LGALS8: variants seen among roughly 807,000 people sequenced by gnomAD.
LGALS8 encodes the protein galectin 8.
A neutral mutation model predicts 35.9 loss-of-function variants in LGALS8; 30 were observed. That is an observed-to-expected ratio of 0.83 (90% CI 0.62 to 1.13). The LOEUF (loss-of-function observed/expected upper bound fraction) is 1.13, where lower values mean the gene tolerates loss of function less well. Among genes scored for constraint, LGALS8 ranks in the 50% most tolerant of loss-of-function variants. The pLI is 0.00. For missense variants in LGALS8, 366 were observed against 388.7 expected, an observed-to-expected ratio of 0.94 and a Z score of 0.49; for synonymous variants, 138 against 136.1, an observed-to-expected ratio of 1.01 and a Z score of -0.10.
chr1:236,523,695 C>G (rs16833769), upstream of LGALS8: 18,210 of 168,200 alleles, frequency 0.11, 2,405 homozygotes, highest in African/African-American at 0.32. Context: ...CTCCGCCTTC[C>G]GGGCAAAGGC....
intron 4 of LGALS8, among the ~76,000 whole-genome samples, chr1:236,539,692 G>C (rs1355643668): frequency 6.6e-6 from 1 of 152,192 alleles, no homozygotes; most frequent in Non-Finnish European, 1.5e-5. Flanking sequence ...CGCGAGAGAA[G>C]ACTCGAATGC....
At position 236,548,905 on chromosome 1, in the gene LGALS8, A is replaced by G; in HGVS notation, c.*744A>G. ...AATACATGGTGCTGAAATTAACTTG[A>G]TGCCAAGCCCAAGGCAGCTGATTTC... On this transcript the variant is annotated 3_prime_UTR_variant, in exon 10 of 10. Transcript: ENST00000366584. 1 of 398,622 alleles carries G rather than the reference A, an allele frequency of 2.5e-6. No homozygotes were observed. The highest frequency in any genetic ancestry group is 4.4e-6 in the Non-Finnish European group (1 of 226,046). The allele number at this position is 398,622 out of a possible 1,614,324, so 24.7% of individuals were successfully genotyped here.
rs560714725 is a variant in LGALS8, at chr1:236,538,700, A to G, written c.135-179A>G. Among the ~76,000 whole-genome samples, 55 of 152,336 alleles carry G rather than the reference A, an allele frequency of 3.6e-4. No homozygotes were observed. The South Asian group carries it at 9.9e-3, about 28-fold the overall frequency. On this transcript the variant is annotated intron_variant, in intron 3 of 9. Coordinates refer to ENST00000366584, the MANE Select transcript of LGALS8 (RefSeq NM_201544.4). Reference sequence around the variant, plus strand: ...CAGACCCAGTTCAAACTCAGGGGCTATTTTACTGAGGAAGACAGAAAAGAT... The same window carrying G: ...CAGACCCAGTTCAAACTCAGGGGCTGTTTTACTGAGGAAGACAGAAAAGAT...
Position 236,552,192 on chromosome 1 carries a change from C to T in LGALS8, c.*4031C>T. 1 of 866,918 alleles carries T rather than the reference C, an allele frequency of 1.2e-6. No homozygotes were observed. The highest frequency in any genetic ancestry group is 1.8e-6 in the Non-Finnish European group (1 of 544,306). 53.7% of individuals were successfully genotyped at this position (866,918 alleles called of 1,614,324 possible). ...GAGCTGTACTGACTTGAGACAAGCTCTAACTTTTTAAACATTAGTTCACAT... is the reference window on the plus strand; with the variant it reads ...GAGCTGTACTGACTTGAGACAAGCTTTAACTTTTTAAACATTAGTTCACAT... On this transcript the variant is annotated 3_prime_UTR_variant, in exon 10 of 10. Transcript: ENST00000366584.
chr1:236,548,278 A>T lies in LGALS8; in HGVS notation c.*117A>T. 1.0e-6 allele frequency: 1 copy of T among 972,662 alleles called. No individual in the cohort carries two copies. The allele number at this position is 972,662 out of a possible 1,614,324, so 60.3% of individuals were successfully genotyped here. ...TTATATTGTTAAAATGAGCTTGTGC[A>T]CCATTAGGTCCTGCTGGGTGTTCTC... On this transcript the variant is annotated 3_prime_UTR_variant, in exon 10 of 10. Transcript: ENST00000366584.
intron 2 of LGALS8, among the ~76,000 whole-genome samples, chr1:236,530,368 C>T (rs2794789): frequency 0.58 from 87,997 of 152,096 alleles, 27,128 homozygotes; most frequent in Non-Finnish European, 0.69. Context: ...TTTTTCTTCT[C>T]TTTTTGCTGC....
At chr1:236,527,633 G>A (rs1422354464) in intron 2 of LGALS8, among the ~76,000 whole-genome samples, 1 of 151,872 alleles carries the variant, frequency 6.6e-6, no homozygotes, top group African/African-American at 2.4e-5. Context: ...ATAGTATAAA[G>A]GGCCTGTATT....
At chr1:236,533,342 T>TTG (rs1156513761) in intron 2 of LGALS8, among the ~76,000 whole-genome samples, 5 of 151,844 alleles carry the variant, frequency 3.3e-5, no homozygotes, top group Non-Finnish European at 7.4e-5. Context: ...CCCCACCCTT[T>TTG]TTTTTTTCTT....
At chr1:236,535,058 C>T (rs1225492584) in intron 2 of LGALS8, among the ~76,000 whole-genome samples, 2 of 63,924 alleles carry the variant, frequency 3.1e-5, no homozygotes, top group Non-Finnish European at 5.4e-5. Flanking sequence ...GAGACTCTGT[C>T]TCAAAAAAAA....
chr1:236,543,463 AT>A, intron 7 of LGALS8, 96 bp from the exon 8 acceptor site: 1 of 925,886 alleles, frequency 1.1e-6, no homozygotes, highest in Non-Finnish European at 1.8e-6. Context: ...TTACAGGGTC[AT>A]GGCTCTGAAA....
chr1:236,539,263 C>T (rs1661795092), intron 4 of LGALS8, 174 bp downstream of exon 4: 7 of 585,588 alleles, frequency 1.2e-5, no homozygotes, highest in African/African-American at 2.0e-5. Context: ...TGAGGTATGG[C>T]ACCACTACTC....
At chr1:236,527,669 T>C (rs144420345) in intron 2 of LGALS8, among the ~76,000 whole-genome samples, 1 of 139,970 alleles carries the variant, frequency 7.1e-6, no homozygotes, top group East Asian at 2.0e-4. Flanking sequence ...CATTTGTAGC[T>C]AGTTGCCCTT....
At chr1:236,537,717 C>T in intron 3 of LGALS8, 132 bp downstream of exon 3, 1 of 716,468 alleles carries the variant, frequency 1.4e-6, no homozygotes, top group East Asian at 2.7e-5. Flanking sequence ...CAGCCCTGGC[C>T]AAGGTGCTGA....
Position 236,552,075 on chromosome 1 carries a change from T to C in LGALS8, c.*3914T>C, listed in dbSNP as rs1191499826. 3.7e-6 allele frequency: 6 copies of C among 1,613,346 alleles called. No individual in the cohort carries two copies. Among genetic ancestry groups the C allele is most frequent in the Admixed American group, 3.3e-5 (2 of 59,986 alleles). Reference sequence around the variant, plus strand: ...AATTCTCCTTTAGTTTTTCAGCCAGTGCTAACACAGTAATCAAAGCAGCAA... The same window carrying C: ...AATTCTCCTTTAGTTTTTCAGCCAGCGCTAACACAGTAATCAAAGCAGCAA... On this transcript the variant is annotated 3_prime_UTR_variant, in exon 10 of 10. Transcript: ENST00000366584.
At chr1:236,540,440 T>A (rs2103096057) in intron 4 of LGALS8, 124 bp from the exon 5 acceptor site, 2 of 1,139,858 alleles carry the variant, frequency 1.8e-6, no homozygotes, top group African/African-American at 1.6e-5. Flanking sequence ...GTCATGTGTG[T>A]GGAGACCTGT....
chr1:236,540,660 T>C lies in LGALS8; in HGVS notation c.442T>C (p.Ser148Pro). The C allele has an allele frequency of 1.9e-6, 3 of 1,610,994 alleles. No individual in the cohort carries two copies. The highest frequency in any genetic ancestry group is 2.5e-6 in the Non-Finnish European group (3 of 1,178,742). ...CATTTATGGCAAAGTGAATATTCAC[T>C]CAATTGGTTTTAGCTTCAGCTCGGT... ...LGIYGKVNIHSIGFSFSSDLQ... is the reference protein window; with the variant it reads ...LGIYGKVNIHPIGFSFSSDLQ... Residue 148 changes from serine (S) to proline (P), a missense_variant, in exon 5 of 10, where the codon TCA (serine) becomes CCA (proline). Physicochemically the swap from Ser to Pro is moderately conservative, Grantham distance 74. Coordinates refer to ENST00000366584, the MANE Select transcript of LGALS8 (RefSeq NM_201544.4).
chr1:236,522,165 GA>G (rs1660570740), upstream of LGALS8, among the ~76,000 whole-genome samples: 1 of 152,180 alleles, frequency 6.6e-6, no homozygotes, highest in Non-Finnish European at 1.5e-5. Flanking sequence ...TAGGATTTAT[GA>G]ACATTTTAAT....
At chr1:236,520,827 T>C (rs1168848991), upstream of LGALS8, among the ~76,000 whole-genome samples, 1 of 152,220 alleles carries the variant, frequency 6.6e-6, no homozygotes, top group Non-Finnish European at 1.5e-5. Context: ...GCCATACTGG[T>C]TGGTGGCCTT....
In LGALS8 at chr1:236,543,382, C is replaced by T. The variant is rs527441706; in HGVS notation, c.550-178C>T. 14 of 704,172 alleles carry T rather than the reference C, an allele frequency of 2.0e-5. 1 individual carries two copies. Among genetic ancestry groups the T allele is most frequent in the South Asian group, 1.0e-4 (7 of 66,728 alleles). 43.6% of individuals were successfully genotyped at this position (704,172 alleles called of 1,614,324 possible). ...AAAATGTAATCATGTGTGTTTGCTT[C>T]GAGCCAGGGACAGTGCTGCTGCAGG... is the stretch of plus-strand genomic sequence containing the variant. On this transcript the variant is annotated intron_variant, in intron 7 of 9. Transcript: ENST00000366584.
Sources: allele counts gnomAD v4.1 joint callset (sites outside exome capture counted in the v4.1 genomes callset), GRCh38; gene constraint gnomAD v4.1.1; transcripts MANE v1.5; gene names NCBI Gene and HGNC (gene_info 2026-07-23, HGNC 2026-07-21).